The following EIF5B variants were observed in gnomAD, a reference collection of about 807,000 sequenced individuals.
EIF5B encodes eukaryotic translation initiation factor 5B, also known as eIF-5B.
A neutral mutation model predicts 147.5 loss-of-function variants in EIF5B; 47 were observed. That is an observed-to-expected ratio of 0.32 (90% CI 0.25 to 0.41). EIF5B has a LOEUF of 0.41. Among genes scored for constraint, EIF5B ranks in the 10% least tolerant of loss-of-function variants. The pLI, the probability that EIF5B is intolerant of heterozygous loss-of-function variation, is 1.00. For missense variants in EIF5B, 1,064 were observed against 1,413.2 expected (o/e 0.75, Z 3.96); for synonymous variants, 455 against 456.2 (o/e 1.00, Z 0.03).
At chr2:99,376,325 A>T (rs1351599433) in intron 9 of EIF5B, 22 bp from the exon 10 acceptor site, 1 of 1,307,996 alleles carries the variant, frequency 7.6e-7, no homozygotes, top group Non-Finnish European at 1.0e-6. Context: ...TTATTTATTT[A>T]AAAATATATT....
At chr2:99,395,597 A>G (rs1376433236) in intron 21 of EIF5B, among the ~76,000 whole-genome samples, 1 of 152,216 alleles carries the variant, frequency 6.6e-6, no homozygotes, top group Non-Finnish European at 1.5e-5. Context: ...TGCCTCCCAA[A>G]GTGCTGGGAT....
chr2:99,392,457 G>A (rs979986832), intron 17 of EIF5B, among the ~76,000 whole-genome samples: 2 of 152,164 alleles, frequency 1.3e-5, no homozygotes, highest in Non-Finnish European at 2.9e-5. Context: ...TGTCTACAGT[G>A]GGTGTAACAA....
Position 99,361,183 on chromosome 2 carries a change from A to C in EIF5B, c.282A>C (p.Lys94Asn), listed in dbSNP as rs776067346. Residue 94 changes from lysine to asparagine, a missense_variant, in exon 4 of 24, where the codon AAA becomes AAC. Lys to Asn is a moderately conservative substitution (Grantham distance 94, BLOSUM62 0). This residue lies in a region of EIF5B where 458 missense variants were observed against 451.3 expected (regional missense o/e 1.01). Transcript: ENST00000289371. ...TENNEEEFTS[K>N]DKKKKGQKGK... ...ACAATGAAGAGGAATTCACCTCAAA[A>C]GATAAAAAAAAGAAAGGACAGAAGG... 3 of 1,560,348 alleles carry C rather than the reference A, an allele frequency of 1.9e-6. No individual in the cohort carries two copies. The highest frequency in any genetic ancestry group is 2.6e-6 in the Non-Finnish European group (3 of 1,161,860).
chr2:99,378,350 T>G (rs562792128), intron 10 of EIF5B, among the ~76,000 whole-genome samples: 1 of 152,302 alleles, frequency 6.6e-6, no homozygotes, highest in African/African-American at 2.4e-5. Flanking sequence ...TGGCATGTGT[T>G]TTTGGTCCTC....
rs1675126409 is a variant in EIF5B at position 99,398,753 on chromosome 2, T to C, written c.3399T>C (p.Val1133=). Residue 1133 remains valine (V), a synonymous_variant, in exon 23 of 24, where the codon GTT becomes GTC. Coordinates refer to ENST00000289371, the MANE Select transcript of EIF5B (RefSeq NM_015904.4). ...AATTTGTTCTTATTTTATAGTTTGT[T>C]GACATCGGAATAGTAACAAGTATTG... ...TPMCVPSKNF[V]DIGIVTSIEI... 1 of 1,608,746 alleles carries C rather than the reference T, an allele frequency of 6.2e-7. No homozygotes were observed. The highest frequency in any genetic ancestry group is 8.5e-7 in the Non-Finnish European group (1 of 1,178,304).
chr2:99,392,883 A>G, intron 17 of EIF5B, 84 bp from the exon 18 acceptor site: 2 of 1,237,584 alleles, frequency 1.6e-6, no homozygotes, highest in East Asian at 2.8e-5. Context: ...TCTCTCTAAT[A>G]TCATGATGAG....
intron 1 of EIF5B, among the ~76,000 whole-genome samples, chr2:99,358,247 T>C (rs1019155079): frequency 2.0e-5 from 3 of 152,050 alleles, no homozygotes; most frequent in African/African-American, 7.2e-5. Context: ...TTTTATATTT[T>C]TTAGAGACGG....
chr2:99,390,738 G>T, intron 17 of EIF5B, 33 bp downstream of exon 17: 1 of 1,576,714 alleles, frequency 6.3e-7, no homozygotes, highest in Non-Finnish European at 8.7e-7. Context: ...GACACGTGGG[G>T]ACTTGTACAG....
At chr2:99,345,724 T>G (rs924895418) in intron 1 of EIF5B, among the ~76,000 whole-genome samples, 10 of 152,062 alleles carry the variant, frequency 6.6e-5, no homozygotes, top group Middle Eastern at 3.4e-3. Flanking sequence ...GCAGAAGGAT[T>G]GCTTGAGGCC....
chr2:99,381,847 T>G (rs1439457066), intron 12 of EIF5B, among the ~76,000 whole-genome samples: 1 of 152,152 alleles, frequency 6.6e-6, no homozygotes, highest in Non-Finnish European at 1.5e-5. Context: ...CTATAGAATA[T>G]TTCAGATGAC....
chr2:99,356,392 A>G (rs1027421973), intron 1 of EIF5B, among the ~76,000 whole-genome samples: 4 of 152,160 alleles, frequency 2.6e-5, no homozygotes, highest in African/African-American at 9.7e-5. Flanking sequence ...GGGATTCTGC[A>G]TATTTAGCTT....
At chr2:99,337,657 G>T in intron 1 of EIF5B, 68 bp downstream of exon 1, 1 of 1,532,294 alleles carries the variant, frequency 6.5e-7, no homozygotes, top group South Asian at 1.2e-5. Flanking sequence ...GTCTCGCCGG[G>T]CGCGGCGTCG....
At chr2:99,396,646 C>T (rs1043522047) in intron 21 of EIF5B, 114 bp from the exon 22 acceptor site, 72 of 1,341,790 alleles carry the variant, frequency 5.4e-5, no homozygotes, top group South Asian at 2.6e-4. Context: ...CTCCTGTGGC[C>T]GCTGGGGAAA....
rs531167271 is a variant in EIF5B at position 99,337,417 on chromosome 2, G to A, written c.-138G>A. The A allele has an allele frequency of 7.6e-6, 8 of 1,048,456 alleles. No homozygotes were observed. Among genetic ancestry groups the A allele is most frequent in the Non-Finnish European group, 1.2e-5 (8 of 691,354 alleles). The allele number at this position is 1,048,456 out of a possible 1,614,324, so 64.9% of individuals were successfully genotyped here. ...CCATATGTGTCCTGTTCCAGTGCGC[G>A]GGTCTGTGGAGAGCCGGGTGCGAGC... On this transcript the variant is annotated 5_prime_UTR_variant, in exon 1 of 24. Transcript: ENST00000289371.
intron 9 of EIF5B, among the ~76,000 whole-genome samples, chr2:99,373,024 A>G (rs1456898518): frequency 6.6e-6 from 1 of 151,744 alleles, no homozygotes; most frequent in Admixed American, 6.6e-5. Flanking sequence ...TGCTTTATGT[A>G]TTTTTATGCT....
chr2:99,343,324 T>C (rs1489861226), intron 1 of EIF5B, among the ~76,000 whole-genome samples: 1 of 151,502 alleles, frequency 6.6e-6, no homozygotes, highest in Non-Finnish European at 1.5e-5. Flanking sequence ...CCTTATCAGA[T>C]ATATGATTTG....
At chr2:99,375,411 G>C (rs1291251469) in intron 9 of EIF5B, among the ~76,000 whole-genome samples, 1 of 152,122 alleles carries the variant, frequency 6.6e-6, no homozygotes, top group East Asian at 1.9e-4. Context: ...GCCAATAATG[G>C]GGAGATCCTG....
At chr2:99,355,887 A>T (rs1158982613) in intron 1 of EIF5B, among the ~76,000 whole-genome samples, 1 of 152,124 alleles carries the variant, frequency 6.6e-6, no homozygotes, top group Non-Finnish European at 1.5e-5. Flanking sequence ...TGCTGGGATT[A>T]CAGGCGTGAG....
intron 6 of EIF5B, among the ~76,000 whole-genome samples, chr2:99,367,855 G>A (rs553614037): frequency 5.8e-4 from 89 of 152,240 alleles, no homozygotes; most frequent in African/African-American, 2.0e-3. Flanking sequence ...TTTACCTTAT[G>A]TTTCATCATT....
Sources: gnomAD v4.1 joint callset for allele counts (sites outside exome capture counted in the v4.1 genomes callset) on GRCh38, gnomAD v4.1.1 for gene constraint, gnomAD v4.1.1 regional missense constraint, MANE v1.5 for transcripts, NCBI Gene and HGNC (gene_info 2026-07-23, HGNC 2026-07-21) for gene names.